The following TAF2 variants were observed in gnomAD, a reference collection of about 807,000 sequenced individuals.
TAF2 encodes the protein transcription initiation factor TFIID subunit 2.
TAF2 carries 61 observed loss-of-function variants against 138.5 expected under a neutral mutation model. The ratio of observed to expected loss-of-function variants is 0.44; its 90% CI spans 0.36 to 0.54. The LOEUF is 0.54. Ranked by LOEUF, TAF2 falls within the 20% of genes least tolerant of loss-of-function variation. TAF2 has a pLI of 0.00. For synonymous variants in TAF2, 475 were observed against 469.9 expected (o/e 1.01, Z -0.14); for missense variants, 1,090 against 1,427.9 (o/e 0.76, Z 3.81).
At chr8:119,825,851 A>AT (rs35710501) in intron 2 of TAF2, among the ~76,000 whole-genome samples, 59,254 of 144,872 alleles carry the variant, frequency 0.41, 13,375 homozygotes, top group African/African-American at 0.6. Flanking sequence ...CGCCTGGCTA[A>AT]TTTTTTTTTT....
intron 22 of TAF2, among the ~76,000 whole-genome samples, chr8:119,755,209 AT>A (rs1482154256): frequency 6.6e-6 from 1 of 152,212 alleles, no homozygotes; most frequent in Non-Finnish European, 1.5e-5. Flanking sequence ...CAAGTAATAA[AT>A]TAAAACTGTG....
At chr8:119,817,161 T>C (rs888054452) in intron 3 of TAF2, among the ~76,000 whole-genome samples, 3 of 152,212 alleles carry the variant, frequency 2.0e-5, no homozygotes, top group Non-Finnish European at 2.9e-5. Flanking sequence ...TTTCCCAATT[T>C]CCTAGCCTAA....
At chr8:119,779,375 A>G (rs1369012468) in intron 17 of TAF2, among the ~76,000 whole-genome samples, 1 of 152,168 alleles carries the variant, frequency 6.6e-6, no homozygotes, top group African/African-American at 2.4e-5. Context: ...AAATAAAAAT[A>G]GAAATAAAAA....
At chr8:119,777,316 CAT>C (rs942471114) in intron 18 of TAF2, among the ~76,000 whole-genome samples, 1 of 152,118 alleles carries the variant, frequency 6.6e-6, no homozygotes, top group South Asian at 2.1e-4. Flanking sequence ...TCAATTATCA[CAT>C]GTGACTGCTG....
intron 15 of TAF2, 89 bp downstream of exon 15, chr8:119,785,112 C>G: frequency 1.0e-6 from 1 of 985,718 alleles, no homozygotes; most frequent in Non-Finnish European, 1.6e-6. Context: ...ATTTGGAGGA[C>G]AGTTATACAC....
chr8:119,740,220 C>T (rs1010628089), intron 25 of TAF2, among the ~76,000 whole-genome samples: 1 of 152,148 alleles, frequency 6.6e-6, no homozygotes, highest in African/African-American at 2.4e-5. Flanking sequence ...ATGCTTCCCA[C>T]ATGCCAAAAG....
At position 119,795,594 on chromosome 8, in the gene TAF2, T is replaced by C; in HGVS notation, c.1129A>G (p.Ile377Val). 2 of 1,613,818 alleles carry C rather than the reference T, an allele frequency of 1.2e-6. No homozygotes were observed. Among genetic ancestry groups the C allele is most frequent in the Non-Finnish European group, 1.7e-6 (2 of 1,179,840 alleles). Reference sequence around the variant, plus strand: ...GTTTTTTTCATCCAAAGTCCATAGATATAGCCTGAAATTCCCTTCAGCACC... The same window carrying C: ...GTTTTTTTCATCCAAAGTCCATAGACATAGCCTGAAATTCCCTTCAGCACC... ...EWVLKGISGY[I>V]YGLWMKKTFG... Residue 377 changes from isoleucine (I) to valine (V), a missense_variant, in exon 9 of 26, where the codon ATC becomes GTC. By Grantham distance (29) the Ile-to-Val change is conservative. This residue lies in a region of TAF2 where 504 missense variants were observed against 680.9 expected (regional missense o/e 0.74). Transcript: ENST00000378164.
intron 2 of TAF2, among the ~76,000 whole-genome samples, chr8:119,827,191 CA>C (rs1002623241): frequency 8.0e-5 from 12 of 150,010 alleles, no homozygotes; most frequent in African/African-American, 4.9e-5. Flanking sequence ...GATCCTGTCT[CA>C]AAAAAAAAGG....
intron 4 of TAF2, among the ~76,000 whole-genome samples, chr8:119,804,573 T>C (rs1217194805): frequency 1.3e-5 from 2 of 152,178 alleles, no homozygotes; most frequent in Non-Finnish European, 2.9e-5. Context: ...ACAAGCTCTC[T>C]CTCTCTCTTT....
chr8:119,785,274 TA>T lies in TAF2; in HGVS notation c.1794-9del. 1 of 1,598,992 alleles carries T rather than the reference TA, an allele frequency of 6.3e-7. No homozygotes were observed. The highest frequency in any genetic ancestry group is 8.6e-7 in the Non-Finnish European group (1 of 1,167,116). ...ATTTTTTTCTTTTTATTCCTACATT[TA>T]AGAAAAAGTAGGTTGGAAAATTGTG... On this transcript the variant is annotated splice_polypyrimidine_tract_variant and intron_variant, in intron 14 of 25. Coordinates refer to ENST00000378164, the MANE Select transcript of TAF2 (RefSeq NM_003184.4).
chr8:119,797,486 T>C (rs1434861917), intron 7 of TAF2, among the ~76,000 whole-genome samples, 176 bp downstream of exon 7: 1 of 152,160 alleles, frequency 6.6e-6, no homozygotes, highest in Non-Finnish European at 1.5e-5. Flanking sequence ...TCAAAAACTT[T>C]GTCTTCATGT....
chr8:119,814,482 C>T (rs1415829282), intron 3 of TAF2, among the ~76,000 whole-genome samples: 1 of 151,632 alleles, frequency 6.6e-6, no homozygotes, highest in African/African-American at 2.4e-5. Flanking sequence ...ATCATTATAA[C>T]TGGATAACTA....
At chr8:119,787,783 G>A (rs1338562641) in intron 14 of TAF2, among the ~76,000 whole-genome samples, 2 of 152,174 alleles carry the variant, frequency 1.3e-5, no homozygotes, top group African/African-American at 4.8e-5. Context: ...AAAGACATAT[G>A]CACACGTATG....
intron 3 of TAF2, among the ~76,000 whole-genome samples, chr8:119,812,776 ATGTG>A (rs1175141775): frequency 4.2e-5 from 6 of 142,214 alleles, no homozygotes; most frequent in African/African-American, 7.7e-5. Flanking sequence ...TATATGGTGT[ATGTG>A]TGTGTGTATA....
rs35033415 is a variant in TAF2, at chr8:119,778,138, GA to G, written c.2254-10del. 3.3e-6 allele frequency: 5 copies of G among 1,520,150 alleles called. No individual in the cohort carries two copies. Among genetic ancestry groups the G allele is most frequent in the African/African-American group, 1.4e-5 (1 of 71,484 alleles). 94.2% of individuals were successfully genotyped at this position (1,520,150 alleles called of 1,614,324 possible). A position where few individuals can be genotyped will look rare whatever the true frequency, so the allele number is the denominator to read the frequency against. ...ATTGCAACTGGCATAGTCTACAAAA[GA>G]AAAAAAAGAACTTTTAAAAGCACAG... On this transcript the variant is annotated splice_polypyrimidine_tract_variant and intron_variant, in intron 17 of 25. Coordinates refer to ENST00000378164, the MANE Select transcript of TAF2 (RefSeq NM_003184.4).
At chr8:119,772,438 G>T (rs1821909261) in intron 18 of TAF2, among the ~76,000 whole-genome samples, 1 of 151,922 alleles carries the variant, frequency 6.6e-6, no homozygotes, top group African/African-American at 2.4e-5. Flanking sequence ...ATAGAAACTG[G>T]GAATTCCAAA....
At chr8:119,787,908 A>AT (rs1235375684) in intron 14 of TAF2, among the ~76,000 whole-genome samples, 5 of 152,250 alleles carry the variant, frequency 3.3e-5, no homozygotes, top group African/African-American at 1.2e-4. Flanking sequence ...CTATGCAGCC[A>AT]TAAAAAAGAA....
At chr8:119,819,305 A>G (rs758706010) in intron 3 of TAF2, 41 bp downstream of exon 3, 1 of 1,596,392 alleles carries the variant, frequency 6.3e-7, no homozygotes, top group Non-Finnish European at 8.5e-7. Context: ...ACATTTTTTC[A>G]AAACTGTTAA....
intron 3 of TAF2, among the ~76,000 whole-genome samples, chr8:119,819,057 T>TTAAGAAAAACACTGAAAG (rs1825663886): frequency 6.6e-6 from 1 of 152,070 alleles, no homozygotes; most frequent in Non-Finnish European, 1.5e-5. Context: ...AAGTAAATAA[T>TTAAGAAAAACACTGAAAG]TAAGAAAAAC....
Sources: gnomAD v4.1 joint callset for allele counts (sites outside exome capture counted in the v4.1 genomes callset) on GRCh38, gnomAD v4.1.1 for gene constraint, gnomAD v4.1.1 regional missense constraint, MANE v1.5 for transcripts, NCBI Gene and HGNC (gene_info 2026-07-23, HGNC 2026-07-21) for gene names.